OPHN1: variants seen among roughly 807,000 people sequenced by gnomAD.
The protein encoded by OPHN1 is oligophrenin 1, also known as oligophrenin-1.
A neutral mutation model predicts 60.7 loss-of-function variants in OPHN1; 11 were observed. The observed-to-expected ratio is 0.18, with a 90% confidence interval of 0.11 to 0.30. OPHN1 has a LOEUF of 0.30. Among genes scored for constraint, OPHN1 ranks in the 10% least tolerant of loss-of-function variants. OPHN1 has a pLI of 1.00. For missense variants in OPHN1, 449 were observed against 611.0 expected (o/e 0.73, Z 2.80); for synonymous variants, 226 against 222.6 (o/e 1.02, Z -0.14).
At chrX:68,397,724 C>T (rs1005403480) in intron 2 of OPHN1, among the ~76,000 whole-genome samples, 7 of 107,929 alleles carry the variant, frequency 6.5e-5, no homozygotes, top group Middle Eastern at 4.7e-3. Flanking sequence ...GGTTTCACCA[C>T]GTTGGCCAGG....
intron 21 of OPHN1, among the ~76,000 whole-genome samples, chrX:68,061,992 C>T (rs1047316410): frequency 6.2e-5 from 7 of 112,217 alleles, no homozygotes; most frequent in Non-Finnish European, 1.3e-4. Context: ...TTATGGCTTA[C>T]CTGAACAATT....
intron 3 of OPHN1, among the ~76,000 whole-genome samples, chrX:68,287,767 T>C (rs1287116253): frequency 8.9e-6 from 1 of 112,227 alleles, no homozygotes; most frequent in Non-Finnish European, 1.9e-5. Flanking sequence ...TATTCAGCCA[T>C]TTTTATTTAA....
intron 2 of OPHN1, among the ~76,000 whole-genome samples, chrX:68,359,997 T>G (rs1178015166): frequency 9.0e-6 from 1 of 110,717 alleles, no homozygotes; most frequent in African/African-American, 3.3e-5. Flanking sequence ...CTCAGCTTCC[T>G]CCTTTGTAAA....
At chrX:68,081,712 G>A (rs1452277878) in intron 19 of OPHN1, among the ~76,000 whole-genome samples, 1 of 111,483 alleles carries the variant, frequency 9.0e-6, no homozygotes, top group Non-Finnish European at 1.9e-5. Context: ...CTTTTTTGCT[G>A]GTGGAGGGTC....
At chrX:68,345,958 C>T (rs749027243) in intron 2 of OPHN1, among the ~76,000 whole-genome samples, 2 of 111,429 alleles carry the variant, frequency 1.8e-5, no homozygotes, top group South Asian at 7.6e-4. Flanking sequence ...GAAACCCCGT[C>T]TCTACAAAAA....
At chrX:68,302,588 CA>C (rs1211598176) in intron 2 of OPHN1, among the ~76,000 whole-genome samples, 50 of 92,272 alleles carry the variant, frequency 5.4e-4, no homozygotes, top group Middle Eastern at 5.2e-3. Flanking sequence ...GACTCTATCT[CA>C]AAAAAAAAAA....
chrX:68,169,241 T>C (rs2077376232), intron 15 of OPHN1, among the ~76,000 whole-genome samples: 1 of 111,197 alleles, frequency 9.0e-6, no homozygotes, highest in Non-Finnish European at 1.9e-5. Flanking sequence ...AAGGAACTCT[T>C]CAAGGAGAAC....
intron 18 of OPHN1, among the ~76,000 whole-genome samples, chrX:68,110,230 G>A (rs1021665776): frequency 1.8e-5 from 2 of 111,832 alleles, no homozygotes; most frequent in East Asian, 5.6e-4. Flanking sequence ...TTGTATTTTT[G>A]TTACTATGAG....
intron 15 of OPHN1, among the ~76,000 whole-genome samples, chrX:68,147,834 C>T (rs1161603381): frequency 1.8e-5 from 2 of 111,553 alleles, no homozygotes; most frequent in Non-Finnish European, 3.8e-5. Context: ...TTTGATTAAG[C>T]TTCATGGCTA....
intron 15 of OPHN1, among the ~76,000 whole-genome samples, chrX:68,135,432 G>A (rs1345040632): frequency 5.4e-5 from 6 of 111,483 alleles, no homozygotes; most frequent in Admixed American, 4.8e-4. Context: ...ACAGGGGAGC[G>A]GGAGCTATTA....
At chrX:68,268,228 T>A (rs2077943927) in intron 5 of OPHN1, among the ~76,000 whole-genome samples, 2 of 111,641 alleles carry the variant, frequency 1.8e-5, no homozygotes, top group Admixed American at 1.9e-4. Flanking sequence ...GAATCCTCCC[T>A]AACTCATTTT....
intron 4 of OPHN1, among the ~76,000 whole-genome samples, chrX:68,279,775 C>T (rs2078011356): frequency 9.0e-6 from 1 of 111,709 alleles, no homozygotes; most frequent in East Asian, 2.8e-4. Flanking sequence ...GGAGCAAACA[C>T]TCAATATACG....
chrX:68,057,253 A>G (rs1293290785), intron 21 of OPHN1, among the ~76,000 whole-genome samples: 1 of 111,681 alleles, frequency 9.0e-6, no homozygotes, highest in African/African-American at 3.3e-5. Flanking sequence ...TCCTAGTTTT[A>G]TTGATTAGGA....
chrX:68,305,756 A>C (rs2078142137), intron 2 of OPHN1, among the ~76,000 whole-genome samples: 1 of 112,753 alleles, frequency 8.9e-6, no homozygotes, highest in Non-Finnish European at 1.9e-5. Flanking sequence ...CTAACAACAA[A>C]GAATACACAC....
intron 2 of OPHN1, among the ~76,000 whole-genome samples, chrX:68,384,074 A>C (rs1302916953): frequency 9.0e-6 from 1 of 111,707 alleles, no homozygotes; most frequent in Non-Finnish European, 1.9e-5. Context: ...CTAGAAAATA[A>C]ATAATCCGGT....
At chrX:68,171,053 T>C (rs2077388635) in intron 15 of OPHN1, among the ~76,000 whole-genome samples, 1 of 110,979 alleles carries the variant, frequency 9.0e-6, no homozygotes, top group African/African-American at 3.3e-5. Flanking sequence ...GACTTAGTAT[T>C]TGCTAGCACA....
At chrX:68,062,352 G>T (rs1222261183) in intron 21 of OPHN1, among the ~76,000 whole-genome samples, 2 of 112,661 alleles carry the variant, frequency 1.8e-5, no homozygotes, top group African/African-American at 6.5e-5. Context: ...CATGAAAGCA[G>T]CCATAGACAA....
chrX:68,225,067 A>C (rs1459892356), intron 6 of OPHN1, among the ~76,000 whole-genome samples: 1 of 112,226 alleles, frequency 8.9e-6, no homozygotes, highest in Non-Finnish European at 1.9e-5. Flanking sequence ...GCACACCAGG[A>C]GATTATATAC....
At chrX:68,255,411 G>T (rs999201139) in intron 5 of OPHN1, among the ~76,000 whole-genome samples, 7 of 112,360 alleles carry the variant, frequency 6.2e-5, no homozygotes, top group Admixed American at 4.7e-4. Flanking sequence ...TGTCATTGTG[G>T]CCATGCCACG....
Sources: allele counts gnomAD v4.1 joint callset (sites outside exome capture counted in the v4.1 genomes callset), GRCh38; gene constraint gnomAD v4.1.1; transcripts MANE v1.5; gene names NCBI Gene and HGNC (gene_info 2026-07-23, HGNC 2026-07-21).